Variants in GAREM1 observed in about 807,000 individuals in gnomAD.
GAREM1 encodes GRB2-associated and regulator of MAPK protein 1.
GAREM1 carries 26 observed loss-of-function variants against 71.3 expected under a neutral mutation model. That is an observed-to-expected ratio of 0.36 (90% CI 0.27 to 0.51). The LOEUF (loss-of-function observed/expected upper bound fraction) is 0.51. GAREM1 is among the 20% of genes least tolerant of loss of function. GAREM1 has a pLI of 0.95. For synonymous variants in GAREM1, 440 were observed against 433.2 expected, an observed-to-expected ratio of 1.02 and a Z score of -0.20; for missense variants, 1,026 against 1,103.1, an observed-to-expected ratio of 0.93 and a Z score of 0.99.
In GAREM1 at chr18:32,267,197, T is replaced by C. The variant is rs2041385286; in HGVS notation, c.*674A>G. 1 of 152,214 alleles carries C rather than the reference T, an allele frequency of 6.6e-6. No homozygotes were observed. Among genetic ancestry groups the C allele is most frequent in the Non-Finnish European group, 1.5e-5 (1 of 68,028 alleles). 9.4% of individuals were successfully genotyped at this position (152,214 alleles called of 1,614,324 possible). A position where few individuals can be genotyped will look rare whatever the true frequency, so the allele number is the denominator to read the frequency against. ...GTATGCACCTATACATGTTTATATA[T>C]GTATATTCTTTTTTCTCTGCTCAAT... is the stretch of plus-strand genomic sequence containing the variant. On this transcript the variant is annotated 3_prime_UTR_variant, in exon 6 of 6. Coordinates refer to ENST00000269209, the MANE Select transcript of GAREM1 (RefSeq NM_001242409.2).
chr18:32,397,447 G>A (rs2048268380), intron 1 of GAREM1, among the ~76,000 whole-genome samples: 1 of 152,230 alleles, frequency 6.6e-6, no homozygotes, highest in Non-Finnish European at 1.5e-5. Context: ...AAAATAAAAG[G>A]ATGGAGGAAG....
chr18:32,348,460 A>AG (rs2047716776), intron 2 of GAREM1, among the ~76,000 whole-genome samples: 2 of 152,078 alleles, frequency 1.3e-5, no homozygotes, highest in Admixed American at 1.3e-4. Context: ...GTGGTGGCTC[A>AG]CACCTGTAAT....
intron 2 of GAREM1, among the ~76,000 whole-genome samples, chr18:32,386,811 G>C (rs1395203287): frequency 6.6e-6 from 1 of 152,138 alleles, no homozygotes; most frequent in Non-Finnish European, 1.5e-5. Flanking sequence ...TCATGACAGA[G>C]GGGAGTGAGA....
chr18:32,336,187 T>C (rs562087055), intron 2 of GAREM1, among the ~76,000 whole-genome samples: 44 of 152,130 alleles, frequency 2.9e-4, no homozygotes, highest in African/African-American at 1.0e-3. Flanking sequence ...TCCTAGCACT[T>C]TGGGAGGCCG....
intron 1 of GAREM1, among the ~76,000 whole-genome samples, chr18:32,449,986 A>G (rs990530016): frequency 1.3e-5 from 2 of 152,198 alleles, no homozygotes; most frequent in African/African-American, 4.8e-5. Flanking sequence ...GAATGGACAG[A>G]AAAAGCAAGC....
At chr18:32,387,989 G>A (rs1271334832) in intron 2 of GAREM1, among the ~76,000 whole-genome samples, 1 of 152,126 alleles carries the variant, frequency 6.6e-6, no homozygotes, top group Non-Finnish European at 1.5e-5. Flanking sequence ...CACAAAGTAA[G>A]GGGTACTACT....
intron 2 of GAREM1, among the ~76,000 whole-genome samples, chr18:32,389,224 G>A (rs1209947242): frequency 6.6e-6 from 1 of 152,016 alleles, no homozygotes; most frequent in African/African-American, 2.4e-5. Flanking sequence ...AACATTGAGG[G>A]GTGTCAGTAT....
intron 2 of GAREM1, among the ~76,000 whole-genome samples, chr18:32,377,157 A>T (rs887443974): frequency 2.6e-5 from 4 of 152,226 alleles, no homozygotes; most frequent in Non-Finnish European, 2.9e-5. Flanking sequence ...ATTTTGGCAG[A>T]GTATTTACAG....
intron 1 of GAREM1, among the ~76,000 whole-genome samples, chr18:32,437,428 T>C (rs576369578): frequency 1.3e-4 from 20 of 152,238 alleles, no homozygotes; most frequent in Middle Eastern, 3.4e-3. Context: ...TAACTGAAAT[T>C]AGTTCTAAAG....
At chr18:32,284,752 C>CTTTTTTTTTT (rs34946592) in intron 4 of GAREM1, among the ~76,000 whole-genome samples, 1 of 121,246 alleles carries the variant, frequency 8.2e-6, no homozygotes, top group Non-Finnish European at 1.7e-5. Flanking sequence ...TGCCCCCTTA[C>CTTTTTTTTTT]TTTTTTTTTT....
chr18:32,313,911 G>A (rs2047350157), intron 2 of GAREM1, among the ~76,000 whole-genome samples: 1 of 152,124 alleles, frequency 6.6e-6, no homozygotes, highest in South Asian at 2.1e-4. Flanking sequence ...TTTTGCTGGT[G>A]AGGGACCATG....
intron 2 of GAREM1, among the ~76,000 whole-genome samples, chr18:32,346,800 T>C (rs1167365849): frequency 2.0e-5 from 3 of 152,188 alleles, no homozygotes; most frequent in Non-Finnish European, 2.9e-5. Context: ...AAACCTAACG[T>C]TGAAAGAATG....
At chr18:32,364,016 A>ATTTTTTT (rs1470728742) in intron 2 of GAREM1, among the ~76,000 whole-genome samples, 2 of 49,138 alleles carry the variant, frequency 4.1e-5, no homozygotes, top group African/African-American at 2.5e-4. Flanking sequence ...ATATATATAT[A>ATTTTTTT]TATATATATA....
chr18:32,329,631 A>G (rs779984426), intron 2 of GAREM1, among the ~76,000 whole-genome samples: 10 of 147,952 alleles, frequency 6.8e-5, no homozygotes, highest in Non-Finnish European at 1.2e-4. Context: ...ACTTGAACCC[A>G]GGAGGCGGAG....
intron 4 of GAREM1, among the ~76,000 whole-genome samples, chr18:32,271,337 C>T (rs1356922908): frequency 4.6e-5 from 7 of 152,108 alleles, no homozygotes; most frequent in South Asian, 2.1e-4. Flanking sequence ...GGATTACAGG[C>T]GCCTGCCATC....
intron 1 of GAREM1, among the ~76,000 whole-genome samples, chr18:32,466,593 A>G (rs1430921511): frequency 6.6e-6 from 1 of 152,214 alleles, no homozygotes; most frequent in Non-Finnish European, 1.5e-5. Context: ...CTCTAACACA[A>G]GCCTTCAGGG....
intron 1 of GAREM1, among the ~76,000 whole-genome samples, chr18:32,441,432 T>C (rs1283337374): frequency 6.6e-6 from 1 of 152,108 alleles, no homozygotes; most frequent in African/African-American, 2.4e-5. Context: ...AAATATTCAA[T>C]ATATGTGAGC....
chr18:32,367,938 G>A (rs2047941642), intron 2 of GAREM1, among the ~76,000 whole-genome samples: 1 of 152,188 alleles, frequency 6.6e-6, no homozygotes, highest in Non-Finnish European at 1.5e-5. Context: ...ACCATGAAAT[G>A]TTTGAGACGT....
chr18:32,314,358 A>G (rs1019088694), intron 2 of GAREM1, among the ~76,000 whole-genome samples: 2 of 152,184 alleles, frequency 1.3e-5, no homozygotes, highest in Non-Finnish European at 2.9e-5. Flanking sequence ...ACAGATGCCT[A>G]ATTTAAATGC....
Sources: allele counts gnomAD v4.1 joint callset (sites outside exome capture counted in the v4.1 genomes callset), GRCh38; gene constraint gnomAD v4.1.1; transcripts MANE v1.5; gene names NCBI Gene and HGNC (gene_info 2026-07-23, HGNC 2026-07-21).